The following CDCP1 variants were observed in gnomAD, a reference collection of about 807,000 sequenced individuals.
CDCP1 encodes the protein CUB domain-containing protein 1.
A neutral mutation model predicts 60.2 loss-of-function variants in CDCP1; 29 were observed. The observed-to-expected ratio is 0.48, with a 90% CI of 0.36 to 0.66. CDCP1 has a LOEUF of 0.66. CDCP1 is among the 30% of genes least tolerant of loss of function. The pLI, the probability that CDCP1 is intolerant of heterozygous loss-of-function variation, is 0.00. For missense variants in CDCP1, 876 were observed against 1,074.3 expected, an observed-to-expected ratio of 0.82 and a Z score of 2.58; for synonymous variants, 387 against 431.1, an observed-to-expected ratio of 0.90 and a Z score of 1.27.
intron 7 of CDCP1, among the ~76,000 whole-genome samples, chr3:45,090,837 T>G (rs1438768187): frequency 6.6e-6 from 1 of 152,190 alleles, no homozygotes; most frequent in Non-Finnish European, 1.5e-5. Flanking sequence ...CAGATGATCT[T>G]GGCTGAGCCT....
At chr3:45,131,177 T>C (rs1190519545) in intron 1 of CDCP1, among the ~76,000 whole-genome samples, 1 of 151,360 alleles carries the variant, frequency 6.6e-6, no homozygotes, top group Non-Finnish European at 1.5e-5. Flanking sequence ...TTCACTTCTT[T>C]AAAAAAATTT....
At chr3:45,132,735 T>A (rs1207410439) in intron 1 of CDCP1, among the ~76,000 whole-genome samples, 1 of 152,186 alleles carries the variant, frequency 6.6e-6, no homozygotes, top group Non-Finnish European at 1.5e-5. Context: ...AGACCACATG[T>A]GCAAAGCCAG....
intron 1 of CDCP1, among the ~76,000 whole-genome samples, chr3:45,121,334 T>C (rs957051777): frequency 3.9e-5 from 6 of 152,226 alleles, no homozygotes; most frequent in African/African-American, 1.4e-4. Context: ...TAAAAATGAA[T>C]CCAGATCTAT....
intron 2 of CDCP1, among the ~76,000 whole-genome samples, chr3:45,113,933 C>T (rs1269957347): frequency 2.6e-5 from 4 of 152,216 alleles, no homozygotes; most frequent in Non-Finnish European, 2.9e-5. Context: ...ACGCACACCT[C>T]CAGTGTGCCC....
At chr3:45,129,961 G>A (rs1699059662) in intron 1 of CDCP1, among the ~76,000 whole-genome samples, 4 of 151,998 alleles carry the variant, frequency 2.6e-5, no homozygotes, top group African/African-American at 2.4e-5. Context: ...GGGGAAGGTG[G>A]GCAGGTGATT....
chr3:45,099,400 C>CT (rs143616926), intron 4 of CDCP1, among the ~76,000 whole-genome samples: 3,739 of 152,108 alleles, frequency 0.025, 171 homozygotes, highest in African/African-American at 0.086. Flanking sequence ...CCGTATAAAA[C>CT]TTTTTTACCT....
intron 1 of CDCP1, among the ~76,000 whole-genome samples, chr3:45,124,456 A>G (rs970069960): frequency 1.3e-5 from 2 of 152,156 alleles, no homozygotes; most frequent in South Asian, 4.1e-4. Context: ...GGCTCAGCCT[A>G]GGCACCAGGA....
Position 45,091,248 on chromosome 3 carries a change from T to C in CDCP1, c.1918A>G (p.Ile640Val). The change falls in exon 7 of 9, where the codon ATC becomes GTC. Residue 640 changes from isoleucine to valine, a missense_variant. Ile to Val is a conservative substitution (Grantham distance 29). Transcript: ENST00000296129. The surrounding 1 kb of genome is among the most constrained non-coding windows in gnomAD (Gnocchi z 4.8). The part of the protein sequence containing the change: ...SFHHHSFWVN[I>V]SNCSPTSGKQ... ...CCGCTCGTGGGGCTGCAGTTAGAGA[T>C]GTTGACCCAGAAGCTGTGATGGTGG... 1.2e-6 allele frequency: 2 copies of C among 1,613,402 alleles called. No homozygotes were observed. Among genetic ancestry groups the C allele is most frequent in the South Asian group, 1.1e-5 (1 of 91,068 alleles).
At chr3:45,119,408 C>T (rs574673907) in intron 1 of CDCP1, among the ~76,000 whole-genome samples, 18 of 152,262 alleles carry the variant, frequency 1.2e-4, no homozygotes, top group Admixed American at 4.6e-4. Context: ...GCCACTTTCT[C>T]CTTAGCTGAC....
rs747191639 is a variant in CDCP1, at chr3:45,085,654, A to G, written c.2495T>C (p.Met832Thr). The change falls in exon 9 of 9, where the codon ATG becomes ACG. Residue 832 changes from methionine to threonine, a missense_variant. This residue lies in a region of CDCP1 where 726 missense variants were observed against 935.7 expected (regional missense o/e 0.78). Coordinates refer to ENST00000296129, the MANE Select transcript of CDCP1 (RefSeq NM_022842.5). This position sits in a 1 kb window ranked among gnomAD's most constrained non-coding sequence, Gnocchi z 4.2. The stretch of plus-strand genomic sequence containing the variant: ...TGGATCAAGTTATTCTGCTGGCTCC[A>G]TGGGCTCCTGAGTGTTCAGTAAGGG... Reference protein sequence around the residue: ...DIPLLNTQEPMEPAE With the variant: ...DIPLLNTQEPTEPAE The G allele has an allele frequency of 2.5e-6, 4 of 1,612,124 alleles. No individual in the cohort carries two copies. Among genetic ancestry groups the G allele is most frequent in the Non-Finnish European group, 3.4e-6 (4 of 1,178,494 alleles).
intron 2 of CDCP1, among the ~76,000 whole-genome samples, chr3:45,113,355 T>C (rs1002196979): frequency 6.6e-6 from 1 of 152,208 alleles, no homozygotes; most frequent in Non-Finnish European, 1.5e-5. Context: ...ATTTGTTTCC[T>C]AAGCCTTTTA....
At chr3:45,137,931 T>A (rs1433049572) in intron 1 of CDCP1, among the ~76,000 whole-genome samples, 1 of 152,090 alleles carries the variant, frequency 6.6e-6, no homozygotes, top group Non-Finnish European at 1.5e-5. Context: ...TAATCCTCCA[T>A]CTCTCAGCAG....
chr3:45,112,579 C>T, intron 2 of CDCP1, 134 bp from the exon 3 acceptor site: 3 of 1,249,270 alleles, frequency 2.4e-6, no homozygotes, highest in Non-Finnish European at 3.3e-6. Flanking sequence ...GCAGGGGCAC[C>T]CAGGCCCCAA....
In CDCP1 at chr3:45,108,953, A is replaced by ATATTTTTTT. The variant is rs1401302861; in HGVS notation, c.1024+1519_1024+1520insAAAAAAATA. Among the ~76,000 whole-genome samples, 2 of 41,134 alleles carry ATATTTTTTT rather than the reference A, an allele frequency of 4.9e-5. 1 individual carries two copies. Among genetic ancestry groups the ATATTTTTTT allele is most frequent in the Non-Finnish European group, 9.3e-5 (2 of 21,462 alleles). 27.0% of individuals were successfully genotyped at this position (41,134 alleles called of 152,430 possible). On this transcript the variant is annotated intron_variant, in intron 4 of 8. Transcript: ENST00000296129. ...CATGTATACATATATATATATATAT[A>ATATTTTTTT]TTTTTTTTTTTTTTGAGATGGAGTC...
chr3:45,102,653 A>G (rs1254499930), intron 4 of CDCP1, among the ~76,000 whole-genome samples: 6 of 150,974 alleles, frequency 4.0e-5, no homozygotes, highest in Non-Finnish European at 7.4e-5. Flanking sequence ...AAAAAAAAAA[A>G]AAAAAGAAAA....
chr3:45,112,477 A>C (rs1339439108), intron 2 of CDCP1, 32 bp from the exon 3 acceptor site: 1 of 1,596,174 alleles, frequency 6.3e-7, no homozygotes, highest in African/African-American at 1.3e-5. Flanking sequence ...AATTTTGATC[A>C]CAGATGCTCC....
At chr3:45,087,371 G>C (rs1198691454) in intron 8 of CDCP1, among the ~76,000 whole-genome samples, 1 of 152,222 alleles carries the variant, frequency 6.6e-6, no homozygotes, top group Non-Finnish European at 1.5e-5. Flanking sequence ...AGGCTGGACT[G>C]ACGATTCTCA....
intron 1 of CDCP1, among the ~76,000 whole-genome samples, chr3:45,124,249 A>G (rs1263329610): frequency 2.0e-5 from 3 of 152,214 alleles, no homozygotes; most frequent in Admixed American, 6.5e-5. Flanking sequence ...CAGGTGATAA[A>G]CACCGGAAGT....
chr3:45,098,189 TTTATTATTA>T (rs35685013), intron 4 of CDCP1, among the ~76,000 whole-genome samples: 1 of 148,664 alleles, frequency 6.7e-6, no homozygotes, highest in African/African-American at 2.5e-5. Context: ...ATTCTCAGCC[TTTATTATTA>T]TTATTATTAT....
Sources: allele counts gnomAD v4.1 joint callset (sites outside exome capture counted in the v4.1 genomes callset), GRCh38; gene constraint gnomAD v4.1.1; regional missense constraint gnomAD v4.1.1; non-coding constraint Gnocchi (gnomAD v3.1); transcripts MANE v1.5; gene names NCBI Gene and HGNC (gene_info 2026-07-23, HGNC 2026-07-21).